OSCP1: variants seen among roughly 807,000 people sequenced by gnomAD.
OSCP1 encodes protein OSCP1.
In OSCP1, 35 loss-of-function variants were observed where a neutral mutation model predicts 45.1. The observed-to-expected ratio is 0.78, with a 90% CI of 0.59 to 1.03. The LOEUF (loss-of-function observed/expected upper bound fraction) is 1.03. Among genes scored for constraint, OSCP1 ranks in the 50% least tolerant of loss-of-function variants. OSCP1 has a pLI of 0.00. For missense variants in OSCP1, 400 were observed against 470.7 expected (o/e 0.85, Z 1.39); for synonymous variants, 179 against 180.1 (o/e 0.99, Z 0.05).
In OSCP1 at chr1:36,422,836, A is replaced by C. The variant is rs376308279; in HGVS notation, c.681T>G (p.Tyr227Ter). 6.2e-7 allele frequency: 1 copy of C among 1,611,062 alleles called. No homozygotes were observed. Among genetic ancestry groups the C allele is most frequent in the East Asian group, 2.2e-5 (1 of 44,764 alleles). The change falls in exon 6 of 10, where the codon TAT becomes TAG. Residue 227 changes from tyrosine (Y) to a stop codon, truncating the protein, a stop_gained. Transcript: ENST00000235532. LOFTEE classifies it high-confidence loss of function. ...KRIEFKHGGNYVPAPKEGSFE... is the reference protein window; with the variant it reads ...KRIEFKHGGN ...AAGAACCTTCTTTGGGTGCAGGGACATAGTTTCCACCATGCTTGAATTCTA... is the reference window on the plus strand; with the variant it reads ...AAGAACCTTCTTTGGGTGCAGGGACCTAGTTTCCACCATGCTTGAATTCTA...
In OSCP1 at chr1:36,450,448, C is replaced by G. The variant is rs1296402276; in HGVS notation, c.-79G>C. 1 of 1,208,280 alleles carries G rather than the reference C, an allele frequency of 8.3e-7. No individual in the cohort carries two copies. The allele number at this position is 1,208,280 out of a possible 1,614,324, so 74.8% of individuals were successfully genotyped here. A position where few individuals can be genotyped will look rare whatever the true frequency, so the allele number is the denominator to read the frequency against. On this transcript the variant is annotated 5_prime_UTR_variant, in exon 1 of 10. Coordinates refer to ENST00000235532, the MANE Select transcript of OSCP1 (RefSeq NM_145047.5). ...GCCTGAAGGCCAGGCCGCAGCGTCC[C>G]AATAGTCCGGTTGCTGGGGCAACGC...
At chr1:36,425,369 C>A (rs149870622) in intron 4 of OSCP1, among the ~76,000 whole-genome samples, 376 of 152,112 alleles carry the variant, frequency 2.5e-3, no homozygotes, top group African/African-American at 8.8e-3. Context: ...CTTTGGTAAC[C>A]TGGGGGTAAT....
intron 7 of OSCP1, 90 bp downstream of exon 7, chr1:36,422,060 C>T (rs1362449896): frequency 7.8e-7 from 1 of 1,279,420 alleles, no homozygotes; most frequent in Non-Finnish European, 1.1e-6. Context: ...TTGGCTAGAT[C>T]CGAAATCTAA....
chr1:36,438,225 G>C (rs1460781433), intron 2 of OSCP1, among the ~76,000 whole-genome samples: 5 of 150,328 alleles, frequency 3.3e-5, no homozygotes, highest in African/African-American at 1.2e-4. Context: ...GCTGAGGCAG[G>C]AGAATCGCTT....
At chr1:36,449,810 T>TG (rs1649772226) in intron 1 of OSCP1, among the ~76,000 whole-genome samples, 1 of 110,992 alleles carries the variant, frequency 9.0e-6, no homozygotes, top group Non-Finnish European at 1.7e-5. Flanking sequence ...CACTCCAGCC[T>TG]GGGCGACAGA....
At chr1:36,426,850 C>T (rs748201031) in intron 4 of OSCP1, among the ~76,000 whole-genome samples, 2 of 152,104 alleles carry the variant, frequency 1.3e-5, no homozygotes, top group Non-Finnish European at 2.9e-5. Flanking sequence ...GGACTACAGG[C>T]ATGTGCCACC....
chr1:36,443,860 T>C lies in OSCP1; in HGVS notation c.113-4950A>G, dbSNP rs1649345487. 4 of 867,708 alleles carry C rather than the reference T, an allele frequency of 4.6e-6. No individual in the cohort carries two copies. The Admixed American group carries it at 8.7e-5, about 19-fold the overall frequency. 53.8% of individuals were successfully genotyped at this position (867,708 alleles called of 1,614,324 possible). On this transcript the variant is annotated intron_variant, in intron 1 of 9. Coordinates refer to ENST00000235532, the MANE Select transcript of OSCP1 (RefSeq NM_145047.5). ...GTAAAAGATTCAAATGTATAACCAA[T>C]ATCTCAGCTAAAGACAAACTCATGC... is the stretch of plus-strand genomic sequence containing the variant.
At chr1:36,432,794 G>A (rs1242418975) in intron 2 of OSCP1, among the ~76,000 whole-genome samples, 1 of 152,132 alleles carries the variant, frequency 6.6e-6, no homozygotes, top group Non-Finnish European at 1.5e-5. Flanking sequence ...AGGAAAACAG[G>A]AGTAAGCCAG....
intron 4 of OSCP1, among the ~76,000 whole-genome samples, chr1:36,424,682 A>G (rs996350454): frequency 2.0e-5 from 3 of 152,190 alleles, no homozygotes; most frequent in South Asian, 4.1e-4. Context: ...CTGAAAACAC[A>G]TTACACTTAT....
At chr1:36,428,434 A>G in intron 4 of OSCP1, 1 of 1,614,086 alleles carries the variant, frequency 6.2e-7, no homozygotes, top group Non-Finnish European at 8.5e-7. Context: ...AACACTGTGC[A>G]CTGTGAACAG....
chr1:36,419,911 C>G (rs1647505175), intron 8 of OSCP1, among the ~76,000 whole-genome samples: 2 of 152,038 alleles, frequency 1.3e-5, no homozygotes, highest in Non-Finnish European at 2.9e-5. Flanking sequence ...TTCCTGGGCT[C>G]AGACGATCCT....
chr1:36,435,219 T>C (rs1389998890), intron 2 of OSCP1, among the ~76,000 whole-genome samples: 3 of 151,396 alleles, frequency 2.0e-5, no homozygotes, highest in Admixed American at 6.6e-5. Context: ...CTCAGCCTCC[T>C]GAGTAGCTGG....
At chr1:36,439,107 C>T in intron 1 of OSCP1, 197 bp from the exon 2 acceptor site, 1 of 459,716 alleles carries the variant, frequency 2.2e-6, no homozygotes, top group Non-Finnish European at 3.8e-6. Flanking sequence ...CTTTATGACA[C>T]CATTTCAGGG....
In OSCP1 at chr1:36,418,107, C is replaced by A. The variant is rs935360370; in HGVS notation, c.*32G>T. The A allele has an allele frequency of 1.3e-6, 2 of 1,586,536 alleles. No homozygotes were observed. The highest frequency in any genetic ancestry group is 2.7e-5 in the African/African-American group (2 of 74,398). On this transcript the variant is annotated 3_prime_UTR_variant, in exon 10 of 10. Coordinates refer to ENST00000235532, the MANE Select transcript of OSCP1 (RefSeq NM_145047.5). The stretch of plus-strand genomic sequence containing the variant: ...CAGGGGTCACCATCCAGCAGCCTCT[C>A]CCTGGGGGCAGAGGACGCCTGGTCA...
At chr1:36,438,410 A>G (rs1648900278) in intron 2 of OSCP1, among the ~76,000 whole-genome samples, 1 of 152,020 alleles carries the variant, frequency 6.6e-6, no homozygotes, top group African/African-American at 2.4e-5. Context: ...GAATTGCTCA[A>G]GCCTGGGAGA....
intron 1 of OSCP1, among the ~76,000 whole-genome samples, chr1:36,442,804 T>G (rs1485395978): frequency 2.6e-5 from 4 of 152,182 alleles, no homozygotes; most frequent in African/African-American, 9.7e-5. Context: ...ATCCTCATTT[T>G]TTTTTCCTGC....
chr1:36,418,337 T>C, intron 9 of OSCP1, 82 bp from the exon 10 acceptor site: 1 of 1,238,392 alleles, frequency 8.1e-7, no homozygotes, highest in Non-Finnish European at 1.2e-6. Context: ...ACTTAGTTTT[T>C]TGTCCCATGA....
intron 4 of OSCP1, among the ~76,000 whole-genome samples, chr1:36,424,863 A>G (rs982640039): frequency 6.6e-6 from 1 of 152,224 alleles, no homozygotes; most frequent in Non-Finnish European, 1.5e-5. Context: ...AGGTTATATT[A>G]GTAATATAAT....
intron 8 of OSCP1, chr1:36,419,281 C>A: frequency 1.9e-6 from 1 of 536,282 alleles, no homozygotes; most frequent in Admixed American, 3.3e-5. Context: ...ATGTTTCTTC[C>A]CTTCCTCTGC....
Sources: allele counts gnomAD v4.1 joint callset (sites outside exome capture counted in the v4.1 genomes callset), GRCh38; gene constraint gnomAD v4.1.1; transcripts MANE v1.5; gene names NCBI Gene and HGNC (gene_info 2026-07-23, HGNC 2026-07-21).